The following SMC4 variants were observed in gnomAD, a reference collection of about 807,000 sequenced individuals.
SMC4 encodes the protein structural maintenance of chromosomes protein 4.
SMC4 carries 87 observed loss-of-function variants against 145.6 expected under a neutral mutation model. That is an observed-to-expected ratio of 0.60 (90% CI 0.50 to 0.71). The LOEUF is 0.71. SMC4 is among the 30% of genes least tolerant of loss of function. The pLI is 0.00. For synonymous variants in SMC4, 558 were observed against 500.7 expected, an observed-to-expected ratio of 1.11 and a Z score of -1.53; for missense variants, 1,447 against 1,537.1, an observed-to-expected ratio of 0.94 and a Z score of 0.98.
intron 7 of SMC4, chr3:160,412,864 A>G (rs1409401718): frequency 1.0e-6 from 1 of 962,580 alleles, no homozygotes; most frequent in Admixed American, 5.7e-5. Context: ...GTTCACAGGT[A>G]TTTATTACTG....
At chr3:160,429,261 A>AT (rs1313561336) in intron 18 of SMC4, among the ~76,000 whole-genome samples, 6 of 152,212 alleles carry the variant, frequency 3.9e-5, no homozygotes, top group Admixed American at 1.3e-4. Flanking sequence ...ATTTAAATAG[A>AT]TACAGGCCTT....
intron 4 of SMC4, 128 bp downstream of exon 4, chr3:160,402,995 C>T: frequency 1.5e-6 from 1 of 651,102 alleles, no homozygotes; most frequent in South Asian, 2.4e-5. Context: ...TTCATTATCT[C>T]TGACCGTATT....
chr3:160,430,777 A>G, intron 19 of SMC4, 34 bp downstream of exon 19: 1 of 1,586,248 alleles, frequency 6.3e-7, no homozygotes, highest in Non-Finnish European at 8.6e-7. Flanking sequence ...AGGAGATGGG[A>G]TGATACTGGA....
At position 160,426,218 on chromosome 3, in the gene SMC4, C is replaced by A. The variant is rs1717774061; in HGVS notation, c.2605+18C>A. 3.8e-6 allele frequency: 6 copies of A among 1,565,792 alleles called. No homozygotes were observed. Among genetic ancestry groups the A allele is most frequent in the Non-Finnish European group, 5.2e-6 (6 of 1,160,110 alleles). ...CAAAACAGGTATGTTTAGAGATAGA[C>A]CTTTTTTGGGGGGAAAAAAAAAACA... On this transcript the variant is annotated intron_variant, in intron 17 of 23. Transcript: ENST00000357388.
intron 2 of SMC4, 67 bp downstream of exon 2, chr3:160,401,032 C>A (rs1444447939): frequency 3.7e-6 from 5 of 1,354,910 alleles, no homozygotes; most frequent in South Asian, 1.8e-5. Context: ...GCGCCCAGCC[C>A]GAGGCTGGCT....
chr3:160,426,022 G>A, intron 16 of SMC4, 52 bp from the exon 17 acceptor site: 1 of 1,422,334 alleles, frequency 7.0e-7, no homozygotes, highest in Non-Finnish European at 9.6e-7. Flanking sequence ...AATTCACAAT[G>A]TTTAAAGCAA....
chr3:160,415,225 G>T (rs577916691), intron 9 of SMC4, among the ~76,000 whole-genome samples: 1 of 152,158 alleles, frequency 6.6e-6, no homozygotes, highest in Non-Finnish European at 1.5e-5. Flanking sequence ...TCCAAAATTA[G>T]CCAGGCTCAG....
intron 4 of SMC4, among the ~76,000 whole-genome samples, chr3:160,403,671 CAG>C (rs1393988800): frequency 1.3e-5 from 2 of 152,014 alleles, no homozygotes; most frequent in Non-Finnish European, 2.9e-5. Flanking sequence ...GCCAGGAAAT[CAG>C]ATTTTATTCC....
At chr3:160,430,827 G>A in intron 19 of SMC4, 84 bp downstream of exon 19, 2 of 1,443,348 alleles carry the variant, frequency 1.4e-6, no homozygotes, top group Non-Finnish European at 1.9e-6. Context: ...TGCCTAGAAT[G>A]TAGTAAGCAC....
At position 160,431,739 on chromosome 3, in the gene SMC4, T is replaced by C. The variant is rs767706702; in HGVS notation, c.3211T>C (p.Ser1071Pro). The change falls in exon 21 of 24, where the codon TCT (serine) becomes CCT (proline). Residue 1071 changes from serine (S) to proline (P), a missense_variant. Ser to Pro is a moderately conservative substitution (Grantham distance 74). Coordinates refer to ENST00000357388, the MANE Select transcript of SMC4 (RefSeq NM_001002800.3). ...TCTTGAAGCGATCAAGAATCCAGAT[T>C]CTATAACAAATCAAATTGCACTTTT... is the stretch of plus-strand genomic sequence containing the variant. ...EDLEAIKNPD[S>P]ITNQIALLEA... The C allele has an allele frequency of 1.9e-6, 3 of 1,614,036 alleles. No homozygotes were observed. The highest frequency in any genetic ancestry group is 1.7e-6 in the Non-Finnish European group (2 of 1,180,000).
intron 5 of SMC4, among the ~76,000 whole-genome samples, chr3:160,408,378 C>T (rs188450297): frequency 2.1e-3 from 314 of 152,288 alleles, no homozygotes; most frequent in Admixed American, 4.3e-3. Context: ...ATCATAATAT[C>T]CTTGTTTGCC....
Position 160,416,432 on chromosome 3 carries a change from TATCAGTG to T in SMC4, c.1437+18_1437+24del. 2 of 1,424,678 alleles carry T rather than the reference TATCAGTG, an allele frequency of 1.4e-6. No homozygotes were observed. The highest frequency in any genetic ancestry group is 9.3e-7 in the Non-Finnish European group (1 of 1,073,306). The allele number at this position is 1,424,678 out of a possible 1,614,324, so 88.3% of individuals were successfully genotyped here. On this transcript the variant is annotated intron_variant, in intron 10 of 23. Transcript: ENST00000357388. The stretch of plus-strand genomic sequence containing the variant: ...GAAAAAGAAGTAAGTTTTTTTTTTT[TATCAGTG>T]TTTATTTTGGTGGCTTTTTTTTTTT...
At chr3:160,413,681 G>T in intron 8 of SMC4, 68 bp downstream of exon 8, 1 of 893,436 alleles carries the variant, frequency 1.1e-6, no homozygotes, top group Non-Finnish European at 1.6e-6. Flanking sequence ...TATATATAAA[G>T]TTACTTCTAG....
At chr3:160,432,824 T>C (rs544373762) in intron 22 of SMC4, 45 of 546,526 alleles carry the variant, frequency 8.2e-5, no homozygotes, top group African/African-American at 7.9e-4. Flanking sequence ...GCTCTTTAAA[T>C]CTTAAAACTT....
intron 2 of SMC4, 57 bp downstream of exon 2, chr3:160,401,022 G>C: frequency 7.4e-7 from 1 of 1,359,028 alleles, no homozygotes; most frequent in Non-Finnish European, 9.4e-7. Context: ...GCAGGCAAAC[G>C]CGCCCAGCCC....
In SMC4 at chr3:160,400,370, C is replaced by G. The variant is rs367760606; in HGVS notation, c.-5-452C>G. On this transcript the variant is annotated intron_variant, in intron 1 of 23. Transcript: ENST00000357388. ...GTCTTCACCGCTCTGGAGAGAGTTG[C>G]TAGCCACGGGATCCTGACCCGGACA... 33 of 153,218 alleles carry G rather than the reference C, an allele frequency of 2.2e-4. No homozygotes were observed. The East Asian group carries it at 6.0e-3, about 28-fold the overall frequency. The allele number at this position is 153,218 out of a possible 1,614,324, so 9.5% of individuals were successfully genotyped here. A position where few individuals can be genotyped will look rare whatever the true frequency, so the allele number is the denominator to read the frequency against.
chr3:160,417,394 T>A (rs1186984503), intron 10 of SMC4, among the ~76,000 whole-genome samples: 1 of 152,220 alleles, frequency 6.6e-6, no homozygotes, highest in African/African-American at 2.4e-5. Context: ...TAGTGGATTT[T>A]CACTGTTTGC....
chr3:160,420,668 T>C (rs936655213), intron 12 of SMC4, 72 bp from the exon 13 acceptor site: 1 of 1,534,896 alleles, frequency 6.5e-7, no homozygotes, highest in Non-Finnish European at 8.8e-7. Context: ...AAGAAGTTTT[T>C]AAAACTTGAT....
At chr3:160,406,183 T>A (rs1478197388) in intron 5 of SMC4, among the ~76,000 whole-genome samples, 1 of 152,140 alleles carries the variant, frequency 6.6e-6, no homozygotes, top group Admixed American at 6.5e-5. Flanking sequence ...AATCTGAACC[T>A]TTTTATGTGA....
Sources: gnomAD v4.1 joint callset for allele counts (sites outside exome capture counted in the v4.1 genomes callset) on GRCh38, gnomAD v4.1.1 for gene constraint, MANE v1.5 for transcripts, NCBI Gene and HGNC (gene_info 2026-07-23, HGNC 2026-07-21) for gene names.